Variants in ARHGAP24 observed in about 807,000 individuals in gnomAD.
ARHGAP24 encodes Rho GTPase activating protein 24.
Under a neutral mutation model 76.4 loss-of-function variants are expected in ARHGAP24, and 50 were observed. The ratio of observed to expected loss-of-function variants is 0.65; its 90% CI spans 0.52 to 0.83. The LOEUF (loss-of-function observed/expected upper bound fraction) is 0.83, where lower values mean the gene tolerates loss of function less well. Ranked by LOEUF, ARHGAP24 falls within the 40% of genes least tolerant of loss-of-function variation. The pLI is 0.00. For synonymous variants in ARHGAP24, 345 were observed against 323.3 expected, an observed-to-expected ratio of 1.07 and a Z score of -0.72; for missense variants, 930 against 914.2, an observed-to-expected ratio of 1.02 and a Z score of -0.22.
chr4:85,700,046 C>T (rs928197634), intron 2 of ARHGAP24, among the ~76,000 whole-genome samples: 1 of 152,120 alleles, frequency 6.6e-6, no homozygotes, highest in African/African-American at 2.4e-5. Flanking sequence ...ATGATTTTTA[C>T]TTTCCTGAGG....
At chr4:85,585,851 A>G (rs1727833898) in intron 2 of ARHGAP24, among the ~76,000 whole-genome samples, 1 of 152,114 alleles carries the variant, frequency 6.6e-6, no homozygotes, top group Non-Finnish European at 1.5e-5. Flanking sequence ...AGGGACTACT[A>G]TCCAGAAGGG....
At chr4:85,718,560 CT>C (rs1323993202) in intron 2 of ARHGAP24, among the ~76,000 whole-genome samples, 1 of 152,018 alleles carries the variant, frequency 6.6e-6, no homozygotes, top group African/African-American at 2.4e-5. Flanking sequence ...TAGTTATGGA[CT>C]TTACAGAATT....
At chr4:85,614,562 GTTAGAAT>G (rs1221697972) in intron 2 of ARHGAP24, among the ~76,000 whole-genome samples, 1 of 151,910 alleles carries the variant, frequency 6.6e-6, no homozygotes. Flanking sequence ...AATATTTGTT[GTTAGAAT>G]TTAGAGTCTG....
At chr4:85,622,299 A>G (rs1172969639) in intron 2 of ARHGAP24, among the ~76,000 whole-genome samples, 1 of 111,718 alleles carries the variant, frequency 9.0e-6, no homozygotes, top group Admixed American at 1.4e-4. Flanking sequence ...TCCTGTGTCC[A>G]TGTGTTCTCA....
At chr4:85,642,844 A>G (rs149036195) in intron 2 of ARHGAP24, among the ~76,000 whole-genome samples, 5 of 152,140 alleles carry the variant, frequency 3.3e-5, no homozygotes, top group Admixed American at 2.6e-4. Flanking sequence ...TTTGCTGAGA[A>G]CCCTGCAATA....
At chr4:85,615,185 T>G (rs919198457) in intron 2 of ARHGAP24, among the ~76,000 whole-genome samples, 2 of 152,138 alleles carry the variant, frequency 1.3e-5, no homozygotes, top group African/African-American at 2.4e-5. Context: ...TGATTTGGGT[T>G]GAACACACAA....
intron 2 of ARHGAP24, among the ~76,000 whole-genome samples, chr4:85,642,575 C>CATA (rs111977037): frequency 6.6e-6 from 1 of 151,456 alleles, no homozygotes; most frequent in East Asian, 2.0e-4. Context: ...ACTCTTCTTT[C>CATA]TCTCACAATA....
intron 3 of ARHGAP24, among the ~76,000 whole-genome samples, chr4:85,863,555 T>C: frequency 6.6e-6 from 1 of 152,128 alleles, no homozygotes; most frequent in East Asian, 1.9e-4. Context: ...GAGGGTTAAA[T>C]TAATGGGTGC....
intron 3 of ARHGAP24, among the ~76,000 whole-genome samples, chr4:85,874,247 A>G (rs1732698175): frequency 1.3e-5 from 2 of 152,314 alleles, no homozygotes; most frequent in South Asian, 4.1e-4. Flanking sequence ...TTGGGCTCAT[A>G]CATTCCCCTT....
chr4:85,986,658 A>G (rs1740019567), intron 8 of ARHGAP24, among the ~76,000 whole-genome samples: 1 of 152,154 alleles, frequency 6.6e-6, no homozygotes, highest in African/African-American at 2.4e-5. Flanking sequence ...CTAGACATAG[A>G]GCGTCCAGAA....
intron 3 of ARHGAP24, among the ~76,000 whole-genome samples, chr4:85,766,253 TA>T (rs1291037869): frequency 6.6e-6 from 1 of 151,888 alleles, no homozygotes; most frequent in Non-Finnish European, 1.5e-5. Context: ...AACTGGCACA[TA>T]AAAAAGAAAA....
intron 2 of ARHGAP24, among the ~76,000 whole-genome samples, chr4:85,691,763 A>C (rs1027801673): frequency 2.6e-5 from 4 of 152,278 alleles, no homozygotes; most frequent in Non-Finnish European, 5.9e-5. Context: ...TGAAGACAGA[A>C]AATGGTTGGG....
At chr4:85,950,524 A>G (rs567008786) in intron 5 of ARHGAP24, among the ~76,000 whole-genome samples, 2 of 152,222 alleles carry the variant, frequency 1.3e-5, no homozygotes, top group East Asian at 3.9e-4. Flanking sequence ...TTAAAATTAA[A>G]TATAAAAGGA....
intron 8 of ARHGAP24, among the ~76,000 whole-genome samples, chr4:85,986,397 A>G (rs977670199): frequency 6.6e-6 from 1 of 152,190 alleles, no homozygotes; most frequent in African/African-American, 2.4e-5. Flanking sequence ...CCAGAAAACT[A>G]TATGAAGCAG....
chr4:85,670,581 A>G (rs2110001330), intron 2 of ARHGAP24, among the ~76,000 whole-genome samples: 1 of 152,310 alleles, frequency 6.6e-6, no homozygotes, highest in Middle Eastern at 3.4e-3. Flanking sequence ...TGGTGTCACC[A>G]CACCAGAAAG....
At chr4:85,500,678 AGC>A (rs1723767372) in intron 1 of ARHGAP24, among the ~76,000 whole-genome samples, 1 of 152,192 alleles carries the variant, frequency 6.6e-6, no homozygotes, top group African/African-American at 2.4e-5. Context: ...AGATGTGGAA[AGC>A]TCATGGCCTC....
chr4:85,915,268 A>C (rs191169801), intron 3 of ARHGAP24, among the ~76,000 whole-genome samples: 1 of 152,352 alleles, frequency 6.6e-6, no homozygotes, highest in Admixed American at 6.5e-5. Context: ...AGTCCAAGAA[A>C]TGCGAAAAAT....
At chr4:85,787,836 C>G (rs978838426) in intron 3 of ARHGAP24, among the ~76,000 whole-genome samples, 4 of 152,074 alleles carry the variant, frequency 2.6e-5, no homozygotes, top group Non-Finnish European at 5.9e-5. Context: ...AACTGAAAAC[C>G]CAGATCACAC....
chr4:85,948,944 T>A (rs1272299358), intron 5 of ARHGAP24, among the ~76,000 whole-genome samples: 2 of 152,172 alleles, frequency 1.3e-5, no homozygotes, highest in African/African-American at 4.8e-5. Context: ...GAACAGTTTC[T>A]TTTTTAGGTC....
Sources: allele counts gnomAD v4.1 joint callset (sites outside exome capture counted in the v4.1 genomes callset), GRCh38; gene constraint gnomAD v4.1.1; transcripts MANE v1.5; gene names NCBI Gene and HGNC (gene_info 2026-07-23, HGNC 2026-07-21).